Variants in TIAM2 observed in about 807,000 individuals in gnomAD.
TIAM2 encodes rho guanine nucleotide exchange factor TIAM2.
In TIAM2, 80 loss-of-function variants were observed where a neutral mutation model predicts 152.9. That is an observed-to-expected ratio of 0.52 (90% CI 0.44 to 0.63). The LOEUF (loss-of-function observed/expected upper bound fraction) is 0.63, where lower values mean the gene tolerates loss of function less well. Among genes scored for constraint, TIAM2 ranks in the 30% least tolerant of loss-of-function variants. The probability of loss-of-function intolerance (pLI) is 0.00; values close to 1 mark genes in which losing one functional copy is unlikely to be tolerated. For synonymous variants in TIAM2, 804 were observed against 838.0 expected, an observed-to-expected ratio of 0.96 and a Z score of 0.70; for missense variants, 1,965 against 2,120.1, an observed-to-expected ratio of 0.93 and a Z score of 1.44.
chr6:155,168,932 G>A, intron 9 of TIAM2: 2 of 1,520,486 alleles, frequency 1.3e-6, no homozygotes, highest in South Asian at 2.5e-5. Flanking sequence ...CTTTGCTATA[G>A]ATGGCCGCCA....
intron 9 of TIAM2, among the ~76,000 whole-genome samples, chr6:155,172,799 A>G (rs1260878587): frequency 6.7e-6 from 1 of 148,274 alleles, no homozygotes; most frequent in Non-Finnish European, 1.5e-5. Context: ...CTGGGTGGTT[A>G]AAAAGGTTAA....
intron 15 of TIAM2, among the ~76,000 whole-genome samples, chr6:155,228,138 C>T (rs529328106): frequency 6.6e-6 from 1 of 152,272 alleles, no homozygotes; most frequent in East Asian, 1.9e-4. Context: ...GCAGAGCTGT[C>T]CTAAGCAAAG....
rs1231539565 is a variant in TIAM2 at position 155,186,097 on chromosome 6, A to T, written c.3064+2597A>T. 1.3e-5 allele frequency among the ~76,000 whole-genome samples: 2 copies of T among 152,250 alleles called. No homozygotes were observed. Among genetic ancestry groups the T allele is most frequent in the Non-Finnish European group, 2.9e-5 (2 of 68,046 alleles). On this transcript the variant is annotated intron_variant, in intron 14 of 26. Coordinates refer to ENST00000682666, the MANE Select transcript of TIAM2 (RefSeq NM_012454.4). This position sits in a 1 kb window ranked among gnomAD's most constrained non-coding sequence, Gnocchi z 4.5. ...GTGGGTGGATTAAAAGATAAAAGTG[A>T]AAAAAGACCAGGTCTCTCATTCATA...
At chr6:155,239,431 G>C (rs922583600) in intron 15 of TIAM2, among the ~76,000 whole-genome samples, 7 of 152,214 alleles carry the variant, frequency 4.6e-5, no homozygotes, top group Admixed American at 1.3e-4. Flanking sequence ...CAGATGGGGA[G>C]GTGGTGAAGT....
chr6:155,079,968 A>G (rs942775218), intron 1 of TIAM2, among the ~76,000 whole-genome samples: 2 of 152,078 alleles, frequency 1.3e-5, no homozygotes, highest in African/African-American at 2.4e-5. Context: ...AACAAAAAAC[A>G]TAACCCCAAA....
chr6:155,096,584 C>T (rs1475837260), intron 2 of TIAM2, among the ~76,000 whole-genome samples: 1 of 152,026 alleles, frequency 6.6e-6, no homozygotes, highest in Admixed American at 6.5e-5. Flanking sequence ...TTTTTTATCT[C>T]CCACATGTAA....
In TIAM2 at chr6:155,057,886, C is replaced by T. The variant is rs906233749; in HGVS notation, c.-208-32403C>T. The stretch of plus-strand genomic sequence containing the variant: ...TGGAAGAAAGTCACTCCGCACAGTC[C>T]ACACATAAGTTATCTATAATTCTAC... On this transcript the variant is annotated intron_variant, in intron 1 of 26. Transcript: ENST00000682666. 2.0e-5 allele frequency among the ~76,000 whole-genome samples: 3 copies of T among 152,120 alleles called. No individual in the cohort carries two copies. The South Asian group carries it at 6.2e-4, about 32-fold the overall frequency.
chr6:155,025,194 AT>A (rs781027891), intron 1 of TIAM2, among the ~76,000 whole-genome samples: 1,493 of 121,214 alleles, frequency 0.012, 21 homozygotes, highest in African/African-American at 0.04. Context: ...TAATTTTTGT[AT>A]TTTTTTTTTT....
chr6:155,088,045 T>C (rs1167103097), intron 1 of TIAM2, among the ~76,000 whole-genome samples: 1 of 149,680 alleles, frequency 6.7e-6, no homozygotes, highest in Non-Finnish European at 1.5e-5. Context: ...TTTCTTTTTC[T>C]TTCTTTCTTT....
chr6:155,115,420 G>T (rs1778985207), intron 2 of TIAM2, among the ~76,000 whole-genome samples: 1 of 151,764 alleles, frequency 6.6e-6, no homozygotes, highest in African/African-American at 2.4e-5. Flanking sequence ...AAGGCAGGAG[G>T]ATTCAACTCC....
intron 23 of TIAM2, 65 bp downstream of exon 23, chr6:155,252,068 A>G (rs1783696842): frequency 1.5e-6 from 2 of 1,355,922 alleles, no homozygotes; most frequent in Non-Finnish European, 2.1e-6. Context: ...ATTAACGTTG[A>G]ACTGAAAAGC....
chr6:155,173,169 T>TTG (rs60356205), intron 9 of TIAM2, among the ~76,000 whole-genome samples: 3,767 of 146,806 alleles, frequency 0.026, 57 homozygotes, highest in African/African-American at 0.037. Context: ...TTTGTGAGGG[T>TTG]TGTGTGTGTG....
intron 1 of TIAM2, among the ~76,000 whole-genome samples, chr6:155,010,173 A>T (rs918397760): frequency 6.6e-6 from 1 of 152,078 alleles, no homozygotes; most frequent in Non-Finnish European, 1.5e-5. Flanking sequence ...ACTGTTAGAG[A>T]GTGGAAAGAA....
rs755075349 is a variant in TIAM2 at position 155,248,000 on chromosome 6, CTA to C, written c.3654_3655del (p.Lys1219AsnfsTer2). 1 of 1,613,806 alleles carries C rather than the reference CTA, an allele frequency of 6.2e-7. No individual in the cohort carries two copies. The highest frequency in any genetic ancestry group is 1.1e-5 in the South Asian group (1 of 91,020). On this transcript the variant is annotated frameshift_variant and splice_region_variant, in exon 20 of 27. Coordinates refer to ENST00000682666, the MANE Select transcript of TIAM2 (RefSeq NM_012454.4). LOFTEE classifies it high-confidence loss of function. ...AGGTCTTTTATCCATCTGCTTGTAG[CTA>C]AAACTGACAAAGCCTTCAAGGCTTT...
At chr6:155,035,925 C>T (rs548270394) in intron 1 of TIAM2, among the ~76,000 whole-genome samples, 38 of 152,192 alleles carry the variant, frequency 2.5e-4, no homozygotes, top group African/African-American at 7.7e-4. Flanking sequence ...TGTCTCTATA[C>T]GTATAATTTT....
At chr6:155,194,098 A>G (rs1291117160) in intron 14 of TIAM2, among the ~76,000 whole-genome samples, 1 of 152,094 alleles carries the variant, frequency 6.6e-6, no homozygotes, top group East Asian at 1.9e-4. Context: ...GATCAGGGCC[A>G]CTCTCCAGGG....
chr6:155,044,145 T>C (rs1777107778), intron 1 of TIAM2, among the ~76,000 whole-genome samples: 1 of 152,224 alleles, frequency 6.6e-6, no homozygotes, highest in Non-Finnish European at 1.5e-5. Context: ...TTTGTTCACA[T>C]ATCTGTCATC....
chr6:155,090,842 G>A (rs2114979550), intron 2 of TIAM2, among the ~76,000 whole-genome samples: 1 of 152,218 alleles, frequency 6.6e-6, no homozygotes, highest in South Asian at 2.1e-4. Flanking sequence ...ATTTTAGGAA[G>A]CCACTGAGGA....
At chr6:155,211,166 G>T (rs1204017212) in intron 14 of TIAM2, 38 bp from the exon 15 acceptor site, 1 of 1,586,786 alleles carries the variant, frequency 6.3e-7, no homozygotes, top group Non-Finnish European at 8.6e-7. Context: ...CTCTGCAAAT[G>T]GCCAAACTCA....
Sources: gnomAD v4.1 joint callset for allele counts (sites outside exome capture counted in the v4.1 genomes callset) on GRCh38, gnomAD v4.1.1 for gene constraint, Gnocchi (gnomAD v3.1) non-coding constraint, MANE v1.5 for transcripts, NCBI Gene and HGNC (gene_info 2026-07-23, HGNC 2026-07-21) for gene names.